NAALADL2: variants seen among roughly 807,000 people sequenced by gnomAD.
The protein encoded by NAALADL2 is inactive N-acetylated-alpha-linked acidic dipeptidase-like protein 2.
Under a neutral mutation model 87.2 loss-of-function variants are expected in NAALADL2, and 76 were observed. The ratio of observed to expected loss-of-function variants is 0.87; its 90% confidence interval spans 0.72 to 1.05. NAALADL2 has a LOEUF of 1.05. Ranked by LOEUF, NAALADL2 falls within the 50% of genes least tolerant of loss-of-function variation. The probability of loss-of-function intolerance (pLI) is 0.00; values close to 1 mark genes in which losing one functional copy is unlikely to be tolerated. For synonymous variants in NAALADL2, 354 were observed against 331.0 expected, an observed-to-expected ratio of 1.07 and a Z score of -0.75; for missense variants, 1,089 against 945.8, an observed-to-expected ratio of 1.15 and a Z score of -1.99.
chr3:174,596,356 T>A (rs534704557), intron 2 of NAALADL2, among the ~76,000 whole-genome samples: 15 of 152,256 alleles, frequency 9.9e-5, no homozygotes, highest in African/African-American at 3.6e-4. Flanking sequence ...CTCACCCAAT[T>A]TTATATATAT....
At chr3:175,465,121 A>C (rs1055775795) in intron 7 of NAALADL2, among the ~76,000 whole-genome samples, 1 of 152,052 alleles carries the variant, frequency 6.6e-6, no homozygotes, top group East Asian at 1.9e-4. Flanking sequence ...GCATGGTGGC[A>C]GACGCCTGTA....
At chr3:174,629,879 G>T (rs1429568397) in intron 2 of NAALADL2, among the ~76,000 whole-genome samples, 1 of 152,152 alleles carries the variant, frequency 6.6e-6, no homozygotes, top group African/African-American at 2.4e-5. Flanking sequence ...GAGCAATTTT[G>T]CCCTGGACCA....
intron 1 of NAALADL2, among the ~76,000 whole-genome samples, chr3:174,544,935 G>A (rs545924921): frequency 1.8e-4 from 28 of 152,118 alleles, no homozygotes; most frequent in African/African-American, 5.8e-4. Flanking sequence ...AAGTGCAGTG[G>A]TATGAACATG....
intron 1 of NAALADL2, among the ~76,000 whole-genome samples, chr3:175,022,116 T>C (rs1278358892): frequency 6.6e-6 from 1 of 152,040 alleles, no homozygotes; most frequent in African/African-American, 2.4e-5. Context: ...CAACTTGCAC[T>C]ATAACTGAAA....
rs148628839 is a variant in NAALADL2, at chr3:175,375,324, C to A, written c.1090+50999C>A. The stretch of plus-strand genomic sequence containing the variant: ...ACGTGTCAATATCTATAACATAGCC[C>A]ATTAGAATTTTTACTGGGATTGTGT... On this transcript the variant is annotated intron_variant, in intron 5 of 13. Transcript: ENST00000454872. Among the ~76,000 whole-genome samples the A allele has an allele frequency of 1.9e-3, 286 of 152,116 alleles. 1 individual carries two copies. The highest frequency in any genetic ancestry group is 6.6e-3 in the African/African-American group (273 of 41,494).
intron 1 of NAALADL2, among the ~76,000 whole-genome samples, chr3:175,063,032 TTTC>T (rs1369474459): frequency 1.3e-5 from 2 of 152,214 alleles, no homozygotes; most frequent in African/African-American, 4.8e-5. Flanking sequence ...AACATATTTT[TTTC>T]TACATATATT....
intron 2 of NAALADL2, among the ~76,000 whole-genome samples, chr3:174,615,868 T>C (rs969992912): frequency 6.6e-6 from 1 of 152,102 alleles, no homozygotes; most frequent in Non-Finnish European, 1.5e-5. Flanking sequence ...CCATAGTTTT[T>C]ATTTTATTAA....
At chr3:175,332,728 G>T (rs1334835038) in intron 5 of NAALADL2, among the ~76,000 whole-genome samples, 1 of 152,172 alleles carries the variant, frequency 6.6e-6, no homozygotes, top group East Asian at 1.9e-4. Flanking sequence ...GAAATGTTCT[G>T]TCAATGTCTG....
At chr3:175,165,477 A>C (rs1733853904) in intron 2 of NAALADL2, among the ~76,000 whole-genome samples, 1 of 152,166 alleles carries the variant, frequency 6.6e-6, no homozygotes, top group Non-Finnish European at 1.5e-5. Flanking sequence ...GGCTCAAAAA[A>C]GTTATAATTA....
At chr3:174,692,354 A>G (rs759760785) in intron 2 of NAALADL2, among the ~76,000 whole-genome samples, 2 of 152,234 alleles carry the variant, frequency 1.3e-5, no homozygotes, top group Non-Finnish European at 2.9e-5. Flanking sequence ...TAATGAGCTC[A>G]GGAGGGAAGA....
At chr3:175,651,438 T>C (rs1395524149) in intron 11 of NAALADL2, among the ~76,000 whole-genome samples, 2 of 152,154 alleles carry the variant, frequency 1.3e-5, no homozygotes, top group Non-Finnish European at 2.9e-5. Context: ...TGGTGAGAAG[T>C]GACTGGCTGG....
At chr3:175,337,067 T>C (rs1762055724) in intron 5 of NAALADL2, among the ~76,000 whole-genome samples, 1 of 150,312 alleles carries the variant, frequency 6.7e-6, no homozygotes, top group Non-Finnish European at 1.5e-5. Context: ...GTTACCATGG[T>C]ATCTCTTTGA....
At chr3:174,599,666 T>C (rs1410297500) in intron 2 of NAALADL2, among the ~76,000 whole-genome samples, 1 of 152,324 alleles carries the variant, frequency 6.6e-6, no homozygotes, top group Middle Eastern at 3.4e-3. Flanking sequence ...CTCTTTTAAA[T>C]AGATGATGAT....
At position 175,457,680 on chromosome 3, in the gene NAALADL2, G is replaced by A. The variant is rs548862045; in HGVS notation, c.1235-5721G>A. On this transcript the variant is annotated intron_variant, in intron 6 of 13. Coordinates refer to ENST00000454872, the MANE Select transcript of NAALADL2 (RefSeq NM_207015.3). ...ACTAGAGGCATGCACCACCATGTCT[G>A]GCTAATTTTTTTTTTTTTTTTTTGT... 8.6e-3 allele frequency among the ~76,000 whole-genome samples: 1,149 copies of A among 134,300 alleles called. 9 individuals carry two copies. The highest frequency in any genetic ancestry group is 0.014 in the Non-Finnish European group (905 of 64,386). 88.1% of individuals were successfully genotyped at this position (134,300 alleles called of 152,430 possible).
chr3:174,808,408 G>C (rs1284095374), intron 3 of NAALADL2, among the ~76,000 whole-genome samples: 1 of 152,012 alleles, frequency 6.6e-6, no homozygotes, highest in African/African-American at 2.4e-5. Flanking sequence ...CAAAACTGTT[G>C]ACTACATTTT....
chr3:175,172,414 T>G (rs1283715092), intron 2 of NAALADL2, among the ~76,000 whole-genome samples: 1 of 152,184 alleles, frequency 6.6e-6, no homozygotes, highest in African/African-American at 2.4e-5. Context: ...TACACATTCC[T>G]GGTTAAGTAA....
rs927283263 is a variant in NAALADL2, at chr3:175,755,201, G to T, written c.1991-19G>T. 6.3e-7 allele frequency: 1 copy of T among 1,596,534 alleles called. No individual in the cohort carries two copies. Among genetic ancestry groups the T allele is most frequent in the African/African-American group, 1.3e-5 (1 of 74,298 alleles). The stretch of plus-strand genomic sequence containing the variant: ...CTTGAGAATGTCTCTTCTGAGATGG[G>T]CTCATTTATCTTCACCAGGTGATCA... On this transcript the variant is annotated intron_variant, in intron 12 of 13. Coordinates refer to ENST00000454872, the MANE Select transcript of NAALADL2 (RefSeq NM_207015.3).
chr3:175,193,362 A>G (rs894031418), intron 2 of NAALADL2, among the ~76,000 whole-genome samples: 2 of 151,926 alleles, frequency 1.3e-5, no homozygotes, highest in East Asian at 1.9e-4. Context: ...CTCAAGGAGA[A>G]CACAACTATT....
chr3:175,764,533 G>T (rs1415118166), intron 13 of NAALADL2, among the ~76,000 whole-genome samples: 1 of 102,338 alleles, frequency 9.8e-6, no homozygotes, highest in Non-Finnish European at 1.9e-5. Flanking sequence ...GCTAATCCAA[G>T]CCAAGACCAT....
Sources: gnomAD v4.1 joint callset for allele counts (sites outside exome capture counted in the v4.1 genomes callset) on GRCh38, gnomAD v4.1.1 for gene constraint, MANE v1.5 for transcripts, NCBI Gene and HGNC (gene_info 2026-07-23, HGNC 2026-07-21) for gene names.